Variants in PKD1L1 observed in about 807,000 individuals in gnomAD.
PKD1L1 encodes the protein polycystin 1 like 1, transient receptor potential channel interacting.
PKD1L1 carries 236 observed loss-of-function variants against 323.4 expected under a neutral mutation model. That is an observed-to-expected ratio of 0.73 (90% CI 0.66 to 0.81). The LOEUF (loss-of-function observed/expected upper bound fraction) is 0.81, where lower values mean the gene tolerates loss of function less well. PKD1L1 is among the 40% of genes least tolerant of loss of function. PKD1L1 has a pLI of 0.00. For missense variants in PKD1L1, 3,320 were observed against 3,508.0 expected, an observed-to-expected ratio of 0.95 and a Z score of 1.35; for synonymous variants, 1,344 against 1,335.0, an observed-to-expected ratio of 1.01 and a Z score of -0.15.
At chr7:47,861,378 C>T (rs546711786) in intron 26 of PKD1L1, among the ~76,000 whole-genome samples, 2 of 152,164 alleles carry the variant, frequency 1.3e-5, no homozygotes, top group Non-Finnish European at 2.9e-5. Flanking sequence ...GAAGATTTCA[C>T]GGAGAAGGTG....
chr7:47,878,303 T>A lies in PKD1L1; in HGVS notation c.3521-672A>T, dbSNP rs555366602. 1.4e-4 allele frequency among the ~76,000 whole-genome samples: 21 copies of A among 152,286 alleles called. No individual in the cohort carries two copies. In the South Asian group the frequency reaches 3.9e-3, roughly 29 times the overall value. On this transcript the variant is annotated intron_variant, in intron 21 of 56. Coordinates refer to ENST00000289672, the MANE Select transcript of PKD1L1 (RefSeq NM_138295.5). ...ATTATTATCCCCAATGATTAAACAT[T>A]TTGCTTATTTTCCATTTTCTGTTAT... is the stretch of plus-strand genomic sequence containing the variant.
chr7:47,857,400 CAGG>C (rs1244092945), intron 28 of PKD1L1, among the ~76,000 whole-genome samples: 7 of 152,216 alleles, frequency 4.6e-5, no homozygotes, highest in South Asian at 4.2e-4. Flanking sequence ...CTAGTTTTGC[CAGG>C]AGTTTTCTGG....
chr7:47,788,577 AT>A (rs34984408), intron 56 of PKD1L1, among the ~76,000 whole-genome samples: 37,488 of 137,774 alleles, frequency 0.27, 5,351 homozygotes, highest in East Asian at 0.56. Context: ...ATATATATAT[AT>A]TTTTTTTTTT....
In PKD1L1 at chr7:47,902,435, C is replaced by A. The variant is rs144208756; in HGVS notation, c.2008G>T (p.Val670Leu). The change falls in exon 13 of 57, where the codon GTG becomes TTG. Residue 670 changes from valine (V) to leucine (L), a missense_variant. Val to Leu is a conservative substitution (Grantham distance 32). Coordinates refer to ENST00000289672, the MANE Select transcript of PKD1L1 (RefSeq NM_138295.5). ...ASTLRQQLFI[V>L]CEPCQPPLVK... ...AGGGGTGGCTGGCAGGGCTCGCACACGATGAAAAGTTGCTGTCTTAGAGTG... is the reference window on the plus strand; with the variant it reads ...AGGGGTGGCTGGCAGGGCTCGCACAAGATGAAAAGTTGCTGTCTTAGAGTG... The A allele has an allele frequency of 6.2e-7, 1 of 1,614,170 alleles. No homozygotes were observed. The highest frequency in any genetic ancestry group is 8.5e-7 in the Non-Finnish European group (1 of 1,180,024).
rs543467373 is a variant in PKD1L1 at position 47,810,014 on chromosome 7, G to C, written c.7582-437C>G. 1.1e-3 allele frequency among the ~76,000 whole-genome samples: 160 copies of C among 152,286 alleles called. 1 individual carries two copies. Among genetic ancestry groups the C allele is most frequent in the African/African-American group, 3.5e-3 (147 of 41,552 alleles). On this transcript the variant is annotated intron_variant, in intron 50 of 56. Coordinates refer to ENST00000289672, the MANE Select transcript of PKD1L1 (RefSeq NM_138295.5). The stretch of plus-strand genomic sequence containing the variant: ...TCTCAGCCAAGTAAAGTCTTCTAAA[G>C]CTCCCTTATAAGCACTTTCTTAAAG...
chr7:47,916,963 C>T (rs1787442108), intron 7 of PKD1L1, among the ~76,000 whole-genome samples: 1 of 152,066 alleles, frequency 6.6e-6, no homozygotes, highest in South Asian at 2.1e-4. Context: ...CAGCAAGGAG[C>T]CCAAATCAAG....
At chr7:47,926,825 G>T (rs1787664417) in intron 7 of PKD1L1, among the ~76,000 whole-genome samples, 1 of 151,970 alleles carries the variant, frequency 6.6e-6, no homozygotes, top group Non-Finnish European at 1.5e-5. Flanking sequence ...GAGCCAAATG[G>T]ATGGCCATGC....
At chr7:47,870,982 AAG>A (rs57963681) in intron 24 of PKD1L1, among the ~76,000 whole-genome samples, 12,192 of 129,096 alleles carry the variant, frequency 0.094, 704 homozygotes, top group South Asian at 0.15. Flanking sequence ...CAAAAAAAAA[AAG>A]AAAAAAAAAA....
At chr7:47,925,130 GA>G (rs987727690) in intron 7 of PKD1L1, among the ~76,000 whole-genome samples, 2 of 148,060 alleles carry the variant, frequency 1.4e-5, no homozygotes, top group African/African-American at 2.5e-5. Flanking sequence ...GGACAAAATG[GA>G]AAAAAAAAGG....
chr7:47,791,396 T>G (rs1471353392), intron 56 of PKD1L1, among the ~76,000 whole-genome samples: 1 of 152,188 alleles, frequency 6.6e-6, no homozygotes, highest in Non-Finnish European at 1.5e-5. Flanking sequence ...CTCTGTTAAT[T>G]CACTGTCTTT....
intron 17 of PKD1L1, among the ~76,000 whole-genome samples, chr7:47,886,551 T>C (rs1786689503): frequency 6.6e-6 from 1 of 152,174 alleles, no homozygotes; most frequent in South Asian, 2.1e-4. Flanking sequence ...CCCTCACCAA[T>C]GACTTAGTGC....
chr7:47,785,902 C>T lies in PKD1L1; in HGVS notation c.8526+6725G>A, dbSNP rs534503840. The stretch of plus-strand genomic sequence containing the variant: ...GATTATAGGCGCCCATCACCACAGC[C>T]GGCTAATTTTTGTATTTTTAGGAGG... On this transcript the variant is annotated intron_variant, in intron 56 of 56. Coordinates refer to ENST00000289672, the MANE Select transcript of PKD1L1 (RefSeq NM_138295.5). Among the ~76,000 whole-genome samples, 51 of 152,072 alleles carry T rather than the reference C, an allele frequency of 3.4e-4. No individual in the cohort carries two copies. The South Asian group carries it at 6.9e-3, about 20-fold the overall frequency.
At chr7:47,910,335 C>CTTT (rs764658101) in intron 8 of PKD1L1, among the ~76,000 whole-genome samples, 2 of 137,540 alleles carry the variant, frequency 1.5e-5, no homozygotes, top group East Asian at 2.1e-4. Flanking sequence ...ATCTTACTTT[C>CTTT]TTTTTTTTTT....
Position 47,890,629 on chromosome 7 carries a change from A to C in PKD1L1, c.2588T>G (p.Phe863Cys). ...ACTGGAGACCCTCAGCATCACAAGG[A>C]ACTGATCATAGCTGTCACTGAGCCA... ...AQWLSDSYDQ[F>C]LVMLRVSSGG... Residue 863 changes from phenylalanine (F) to cysteine (C), a missense_variant, in exon 16 of 57, where the codon TTC becomes TGC. Coordinates refer to ENST00000289672, the MANE Select transcript of PKD1L1 (RefSeq NM_138295.5). 6.2e-7 allele frequency: 1 copy of C among 1,614,106 alleles called. No individual in the cohort carries two copies. Among genetic ancestry groups the C allele is most frequent in the Non-Finnish European group, 8.5e-7 (1 of 1,180,022 alleles).
intron 56 of PKD1L1, among the ~76,000 whole-genome samples, chr7:47,779,065 T>G (rs1786632326): frequency 6.6e-6 from 1 of 152,236 alleles, no homozygotes; most frequent in African/African-American, 2.4e-5. Flanking sequence ...AAGTAATTTA[T>G]CTGCTCTGAA....
At chr7:47,883,558 C>T (rs1172512649) in intron 19 of PKD1L1, among the ~76,000 whole-genome samples, 1 of 152,220 alleles carries the variant, frequency 6.6e-6, no homozygotes, top group Non-Finnish European at 1.5e-5. Context: ...GTGTGGCCTG[C>T]CATGCCTCTT....
the PKD1L1 span, among the ~76,000 whole-genome samples, chr7:47,956,268 G>T: frequency 6.6e-6 from 1 of 152,302 alleles, no homozygotes; most frequent in East Asian, 1.9e-4. Flanking sequence ...TTTCTACAGT[G>T]GGAAAAGAGA....
rs201836249 is a variant in PKD1L1 at position 47,835,207 on chromosome 7, T to C, written c.5980A>G (p.Arg1994Gly). 2.8e-5 allele frequency: 45 copies of C among 1,589,782 alleles called. No individual in the cohort carries two copies. In the African/African-American group the frequency reaches 5.6e-4, roughly 20 times the overall value. ...AGGAGGGTACACAGGAGACCCACCC[T>C]GAAGGATCCAAGGGTGGGGCTGACG... ...LDVSPTLGSF[R>G]VGLLCTLLAS... Residue 1994 changes from arginine to glycine, a missense_variant, in exon 38 of 57, where the codon AGG becomes GGG. By Grantham distance (125) the Arg-to-Gly change is moderately radical (BLOSUM62 -2). Coordinates refer to ENST00000289672, the MANE Select transcript of PKD1L1 (RefSeq NM_138295.5).
chr7:47,851,093 A>G (rs1785772244), intron 31 of PKD1L1, among the ~76,000 whole-genome samples: 1 of 150,884 alleles, frequency 6.6e-6, no homozygotes, highest in Non-Finnish European at 1.5e-5. Context: ...ACACACACAT[A>G]CACACACACA....
Sources: gnomAD v4.1 joint callset for allele counts (sites outside exome capture counted in the v4.1 genomes callset) on GRCh38, gnomAD v4.1.1 for gene constraint, MANE v1.5 for transcripts, NCBI Gene and HGNC (gene_info 2026-07-23, HGNC 2026-07-21) for gene names.